TBC1D4: variants seen among roughly 807,000 people sequenced by gnomAD.
TBC1D4 encodes the protein TBC (Tre-2, BUB2, CDC16) domain-containing protein.
Under a neutral mutation model 142.5 loss-of-function variants are expected in TBC1D4, and 121 were observed. The ratio of observed to expected loss-of-function variants is 0.85; its 90% CI spans 0.73 to 0.99. The LOEUF is 0.99. Among genes scored for constraint, TBC1D4 ranks in the 50% least tolerant of loss-of-function variants. The pLI, the probability that TBC1D4 is intolerant of heterozygous loss-of-function variation, is 0.00. For synonymous variants in TBC1D4, 630 were observed against 628.2 expected, an observed-to-expected ratio of 1.00 and a Z score of -0.04; for missense variants, 1,475 against 1,606.6, an observed-to-expected ratio of 0.92 and a Z score of 1.40.
At chr13:75,388,996 GT>G (rs1380856680) in intron 1 of TBC1D4, among the ~76,000 whole-genome samples, 1 of 152,180 alleles carries the variant, frequency 6.6e-6, no homozygotes, top group Non-Finnish European at 1.5e-5. Flanking sequence ...GCATAAAGTG[GT>G]TTACTGATAT....
intron 1 of TBC1D4, among the ~76,000 whole-genome samples, chr13:75,376,787 T>G (rs1223151637): frequency 6.6e-6 from 1 of 152,252 alleles, no homozygotes; most frequent in Admixed American, 6.5e-5. Context: ...AATATGTTTC[T>G]GTATGTATTA....
chr13:75,456,604 T>A (rs1593906394), intron 1 of TBC1D4, among the ~76,000 whole-genome samples: 1 of 151,966 alleles, frequency 6.6e-6, no homozygotes, highest in Non-Finnish European at 1.5e-5. Context: ...GAGATACAAA[T>A]ACATTCCCTA....
At chr13:75,308,320 C>T (rs1877386575) in intron 14 of TBC1D4, among the ~76,000 whole-genome samples, 1 of 152,184 alleles carries the variant, frequency 6.6e-6, no homozygotes, top group South Asian at 2.1e-4. Flanking sequence ...TTATGTAAAA[C>T]ATTCCATTTC....
intron 1 of TBC1D4, chr13:75,377,284 G>T (rs1191646789): frequency 6.6e-6 from 1 of 152,180 alleles, no homozygotes; most frequent in Non-Finnish European, 1.5e-5. Flanking sequence ...AGCTCTATGT[G>T]AATGACAGCT....
intron 1 of TBC1D4, among the ~76,000 whole-genome samples, chr13:75,448,046 C>T (rs953959224): frequency 1.3e-5 from 2 of 152,096 alleles, no homozygotes; most frequent in African/African-American, 2.4e-5. Flanking sequence ...CCAAAACCAT[C>T]CCCGCCACCA....
At position 75,451,046 on chromosome 13, in the gene TBC1D4, T is replaced by C. The variant is rs191085266; in HGVS notation, c.498+30224A>G. ...TTCTATTTCCCCCAAAAGTATAGTA[T>C]GTCTTATTTTATTAGGTGCCTGCAA... On this transcript the variant is annotated intron_variant, in intron 1 of 20. Coordinates refer to ENST00000377636, the MANE Select transcript of TBC1D4 (RefSeq NM_014832.5). Among the ~76,000 whole-genome samples, 29 of 152,340 alleles carry C rather than the reference T, an allele frequency of 1.9e-4. No individual in the cohort carries two copies. The East Asian group carries it at 4.8e-3, about 25-fold the overall frequency.
chr13:75,432,320 C>T (rs1236025871), intron 1 of TBC1D4, among the ~76,000 whole-genome samples: 1 of 152,196 alleles, frequency 6.6e-6, no homozygotes. Flanking sequence ...CCCCAGGAAC[C>T]TCGTGAGACT....
chr13:75,428,740 A>T (rs1176863395), intron 1 of TBC1D4, among the ~76,000 whole-genome samples: 1 of 152,248 alleles, frequency 6.6e-6, no homozygotes, highest in Non-Finnish European at 1.5e-5. Flanking sequence ...GCAACATTGC[A>T]AAAGTCTTTG....
chr13:75,404,013 T>C (rs1331945493), intron 1 of TBC1D4, among the ~76,000 whole-genome samples: 3 of 151,220 alleles, frequency 2.0e-5, no homozygotes, highest in South Asian at 2.1e-4. Context: ...TATATATAGG[T>C]GGTGTAACTG....
At chr13:75,311,930 G>A (rs1048395558) in intron 13 of TBC1D4, among the ~76,000 whole-genome samples, 2 of 152,044 alleles carry the variant, frequency 1.3e-5, no homozygotes, top group African/African-American at 4.8e-5. Context: ...ATTTATTTGT[G>A]TTACTCAAAT....
chr13:75,381,249 T>C (rs1883830721), intron 1 of TBC1D4, among the ~76,000 whole-genome samples: 1 of 152,308 alleles, frequency 6.6e-6, no homozygotes, highest in South Asian at 2.1e-4. Context: ...CAATTTATTA[T>C]GAGGAAATCA....
intron 1 of TBC1D4, among the ~76,000 whole-genome samples, chr13:75,425,083 G>C (rs910051761): frequency 1.3e-4 from 20 of 151,944 alleles, no homozygotes; most frequent in African/African-American, 4.8e-4. Context: ...GAAAATATAT[G>C]TATGCAAACC....
chr13:75,335,407 T>A (rs1880112883), intron 8 of TBC1D4, among the ~76,000 whole-genome samples: 1 of 152,180 alleles, frequency 6.6e-6, no homozygotes, highest in African/African-American at 2.4e-5. Flanking sequence ...GGAACCATTT[T>A]GCTTATTTTA....
chr13:75,319,239 C>T (rs1388658782), intron 12 of TBC1D4, among the ~76,000 whole-genome samples: 1 of 152,150 alleles, frequency 6.6e-6, no homozygotes, highest in East Asian at 1.9e-4. Flanking sequence ...TAGTGCGATA[C>T]TTAATATTAT....
chr13:75,397,987 A>C (rs970290937), intron 1 of TBC1D4, among the ~76,000 whole-genome samples: 2 of 152,198 alleles, frequency 1.3e-5, no homozygotes, highest in African/African-American at 4.8e-5. Context: ...AACAAAAGTC[A>C]TGACTACCAT....
rs1164130046 is a variant in TBC1D4 at position 75,283,826 on chromosome 13, T to G, written c.*2966A>C. On this transcript the variant is annotated 3_prime_UTR_variant, in exon 21 of 21. Coordinates refer to ENST00000377636, the MANE Select transcript of TBC1D4 (RefSeq NM_014832.5). ...AAATTATCTTTGTTGTCTGACTCTA[T>G]TAGGAAGAATTATTTGTGTAGCAAT... Among the ~76,000 whole-genome samples the G allele has an allele frequency of 6.6e-6, 1 of 152,206 alleles. No individual in the cohort carries two copies. Among genetic ancestry groups the G allele is most frequent in the Non-Finnish European group, 1.5e-5 (1 of 68,040 alleles).
intron 1 of TBC1D4, among the ~76,000 whole-genome samples, chr13:75,460,142 C>T (rs1261550917): frequency 2.0e-5 from 3 of 149,890 alleles, no homozygotes; most frequent in Non-Finnish European, 4.4e-5. Flanking sequence ...GACTCCGTCT[C>T]AAAAATAAAA....
Position 75,326,315 on chromosome 13 carries a change from G to T in TBC1D4, c.1915C>A (p.Arg639=), listed in dbSNP as rs778423955. ...GGTGGGTGGCTGAACGTGTGTGCCC[G>T]TCTTCGAAACTGCGGGGAGTCGGAA... ...EDSDSPQFRR[R]AHTFSHPPSS... Residue 639 remains arginine, a synonymous_variant, in exon 10 of 21, where the codon CGG becomes AGG. Coordinates refer to ENST00000377636, the MANE Select transcript of TBC1D4 (RefSeq NM_014832.5). 4 of 1,614,100 alleles carry T rather than the reference G, an allele frequency of 2.5e-6. No individual in the cohort carries two copies. In the Admixed American group the frequency reaches 5.0e-5, roughly 20 times the overall value.
At chr13:75,420,699 C>G (rs1886127536) in intron 1 of TBC1D4, among the ~76,000 whole-genome samples, 1 of 152,186 alleles carries the variant, frequency 6.6e-6, no homozygotes, top group Non-Finnish European at 1.5e-5. Context: ...ATTATGCTTC[C>G]TGAGATCCTT....
Sources: gnomAD v4.1 joint callset for allele counts (sites outside exome capture counted in the v4.1 genomes callset) on GRCh38, gnomAD v4.1.1 for gene constraint, MANE v1.5 for transcripts, NCBI Gene and HGNC (gene_info 2026-07-23, HGNC 2026-07-21) for gene names.